NDST4: variants seen among roughly 807,000 people sequenced by gnomAD.
NDST4 encodes N-deacetylase and N-sulfotransferase 4, also known as N-heparan sulfate sulfotransferase 4.
Under a neutral mutation model 100.8 loss-of-function variants are expected in NDST4, and 63 were observed. That is an observed-to-expected ratio of 0.62 (90% CI 0.51 to 0.77). NDST4 has a LOEUF of 0.77. Among genes scored for constraint, NDST4 ranks in the 30% least tolerant of loss-of-function variants. The pLI, the probability that NDST4 is intolerant of heterozygous loss-of-function variation, is 0.00. For synonymous variants in NDST4, 377 were observed against 361.8 expected (o/e 1.04, Z -0.48); for missense variants, 943 against 1,018.4 (o/e 0.93, Z 1.01).
intron 2 of NDST4, among the ~76,000 whole-genome samples, chr4:115,035,631 CAT>C (rs1037588719): frequency 4.6e-5 from 7 of 151,946 alleles, no homozygotes; most frequent in African/African-American, 7.2e-5. Context: ...AACATAGCGA[CAT>C]GTTTTTAGTT....
intron 2 of NDST4, among the ~76,000 whole-genome samples, chr4:115,051,466 CA>C (rs1176480558): frequency 1.3e-5 from 2 of 151,996 alleles, no homozygotes; most frequent in African/African-American, 2.4e-5. Flanking sequence ...TCTCTATCTT[CA>C]AAAAACCCAC....
intron 2 of NDST4, among the ~76,000 whole-genome samples, chr4:115,047,099 A>AT (rs1351578726): frequency 2.6e-5 from 4 of 152,068 alleles, no homozygotes; most frequent in African/African-American, 9.7e-5. Context: ...AAAAAATACG[A>AT]TTTTGTTTCA....
chr4:114,946,022 G>C (rs1042530862), intron 4 of NDST4, among the ~76,000 whole-genome samples: 1 of 152,144 alleles, frequency 6.6e-6, no homozygotes, highest in Non-Finnish European at 1.5e-5. Context: ...TGAACTTTCC[G>C]ATCCTAAGTA....
chr4:114,928,004 G>A (rs1725420320), intron 6 of NDST4, among the ~76,000 whole-genome samples: 1 of 151,922 alleles, frequency 6.6e-6, no homozygotes, highest in Admixed American at 6.6e-5. Context: ...ATTTCCCCCG[G>A]GACTTTGATA....
At chr4:114,904,510 A>G (rs566306967) in intron 6 of NDST4, among the ~76,000 whole-genome samples, 2 of 152,080 alleles carry the variant, frequency 1.3e-5, no homozygotes, top group South Asian at 4.1e-4. Context: ...CAGATTGCTT[A>G]AAAGTCATAG....
At chr4:114,881,240 A>G (rs1724360345) in intron 6 of NDST4, among the ~76,000 whole-genome samples, 1 of 152,048 alleles carries the variant, frequency 6.6e-6, no homozygotes, top group Non-Finnish European at 1.5e-5. Context: ...TAGGTGTATG[A>G]TTGAGAGGTG....
intron 11 of NDST4, among the ~76,000 whole-genome samples, chr4:114,837,361 A>G (rs1384262574): frequency 1.3e-5 from 2 of 152,138 alleles, no homozygotes; most frequent in Non-Finnish European, 1.5e-5. Context: ...AAGAGCCCGT[A>G]TAGCCAAGAC....
Position 114,863,389 on chromosome 4 carries a change from G to A in NDST4, c.1719+7379C>T, listed in dbSNP as rs79317604. ...TTCTCTCTGCAGTTAAATTATGTGCGTGTGTGCATGCGCACATGTGCATGT... is the reference window on the plus strand; with the variant it reads ...TTCTCTCTGCAGTTAAATTATGTGCATGTGTGCATGCGCACATGTGCATGT... On this transcript the variant is annotated intron_variant, in intron 7 of 13. Transcript: ENST00000264363. Among the ~76,000 whole-genome samples the A allele has an allele frequency of 2.8e-3, 426 of 152,348 alleles. 3 individuals carry two copies. The highest frequency in any genetic ancestry group is 1.0e-2 in the African/African-American group (414 of 41,582).
At chr4:115,102,488 G>A (rs1729750673) in intron 1 of NDST4, among the ~76,000 whole-genome samples, 1 of 151,948 alleles carries the variant, frequency 6.6e-6, no homozygotes, top group Admixed American at 6.6e-5. Flanking sequence ...TAAATTTAAT[G>A]CTAATAGTAT....
intron 6 of NDST4, among the ~76,000 whole-genome samples, chr4:114,890,308 T>C (rs907531950): frequency 1.4e-4 from 22 of 152,194 alleles, no homozygotes; most frequent in Non-Finnish European, 2.9e-4. Flanking sequence ...GTTATCACGA[T>C]GACTATAAGT....
intron 4 of NDST4, among the ~76,000 whole-genome samples, chr4:114,966,213 CACT>C (rs1224454240): frequency 1.3e-5 from 2 of 151,946 alleles, no homozygotes; most frequent in Non-Finnish European, 2.9e-5. Context: ...TGTACACCCC[CACT>C]GCATACATTG....
intron 2 of NDST4, among the ~76,000 whole-genome samples, chr4:115,058,968 G>T (rs1053549074): frequency 1.4e-5 from 2 of 144,850 alleles, no homozygotes; most frequent in African/African-American, 5.4e-5. Context: ...ACTGTGGAAA[G>T]AGTTCTGAAG....
chr4:115,078,147 A>G (rs1033073623), intron 1 of NDST4, among the ~76,000 whole-genome samples: 1 of 152,130 alleles, frequency 6.6e-6, no homozygotes, highest in African/African-American at 2.4e-5. Flanking sequence ...AGACTGGAAA[A>G]TTTATAAAGA....
At chr4:114,843,470 A>T (rs1279711828) in intron 10 of NDST4, among the ~76,000 whole-genome samples, 2 of 152,208 alleles carry the variant, frequency 1.3e-5, no homozygotes, top group African/African-American at 4.8e-5. Flanking sequence ...GTAATAAACC[A>T]GTGTCCTGTT....
chr4:114,980,433 G>C (rs1371552411), intron 2 of NDST4, among the ~76,000 whole-genome samples: 6 of 152,098 alleles, frequency 3.9e-5, no homozygotes, highest in African/African-American at 1.2e-4. Context: ...TTTGAGGTCA[G>C]AAGTTCAAGA....
At chr4:115,083,399 G>A (rs565481387) in intron 1 of NDST4, among the ~76,000 whole-genome samples, 1 of 152,156 alleles carries the variant, frequency 6.6e-6, no homozygotes, top group Non-Finnish European at 1.5e-5. Context: ...GTTCAAGGTT[G>A]CAGTGAGCTA....
At chr4:115,045,591 A>C (rs1728448022) in intron 2 of NDST4, among the ~76,000 whole-genome samples, 2 of 152,120 alleles carry the variant, frequency 1.3e-5, no homozygotes, top group South Asian at 4.1e-4. Flanking sequence ...CTGACCTCCC[A>C]GCAGTAGACT....
chr4:114,896,010 T>C (rs1724705836), intron 6 of NDST4, among the ~76,000 whole-genome samples: 1 of 144,194 alleles, frequency 6.9e-6, no homozygotes, highest in South Asian at 2.2e-4. Context: ...AAGTATCTTG[T>C]ATTTAAAACC....
chr4:115,106,681 A>G (rs1265019417), intron 1 of NDST4, among the ~76,000 whole-genome samples: 1 of 152,102 alleles, frequency 6.6e-6, no homozygotes, highest in African/African-American at 2.4e-5. Flanking sequence ...AATACTTTTC[A>G]TTTTCAGTTA....
Sources: gnomAD v4.1 joint callset for allele counts (sites outside exome capture counted in the v4.1 genomes callset) on GRCh38, gnomAD v4.1.1 for gene constraint, MANE v1.5 for transcripts, NCBI Gene and HGNC (gene_info 2026-07-23, HGNC 2026-07-21) for gene names.